TNRC18: variants seen among roughly 807,000 people sequenced by gnomAD.
The protein encoded by TNRC18 is trinucleotide repeat containing 18.
TNRC18 carries 69 observed loss-of-function variants against 226.7 expected under a neutral mutation model. The observed-to-expected ratio is 0.30, with a 90% CI of 0.25 to 0.37. The LOEUF is 0.37. Among genes scored for constraint, TNRC18 ranks in the 10% least tolerant of loss-of-function variants. The pLI, the probability that TNRC18 is intolerant of heterozygous loss-of-function variation, is 1.00. For synonymous variants in TNRC18, 2,449 were observed against 1,927.6 expected (o/e 1.27, Z -7.09); for missense variants, 4,754 against 4,256.6 (o/e 1.12, Z -3.25).
intron 2 of TNRC18, among the ~76,000 whole-genome samples, chr7:5,403,577 G>A (rs1237183720): frequency 2.0e-5 from 3 of 151,996 alleles, no homozygotes; most frequent in Non-Finnish European, 4.4e-5. Flanking sequence ...AGTCGTTTGA[G>A]GCCAGGAGTT....
chr7:5,323,581 T>TTTTTTTTTTG (rs60338709), intron 21 of TNRC18, among the ~76,000 whole-genome samples: 1 of 150,216 alleles, frequency 6.7e-6, no homozygotes. Context: ...TTTTTTTTTT[T>TTTTTTTTTTG]GAGACACAGT....
rs191544510 is a variant in TNRC18 at position 5,342,948 on chromosome 7, G to T, written c.5719+2614C>A. 4.1e-4 allele frequency among the ~76,000 whole-genome samples: 63 copies of T among 152,258 alleles called. 1 individual carries two copies. Among genetic ancestry groups the T allele is most frequent in the Non-Finnish European group, 2.5e-4 (17 of 68,018 alleles). ...TAATCAGTCAGCAGCCATCAACATC[G>T]AGGCAAGACCCACCATCAGCAAAAA... On this transcript the variant is annotated intron_variant, in intron 18 of 29. Coordinates refer to ENST00000430969, the MANE Select transcript of TNRC18 (RefSeq NM_001080495.3).
chr7:5,353,562 GAA>G (rs35875231), intron 16 of TNRC18, among the ~76,000 whole-genome samples: 61 of 86,556 alleles, frequency 7.0e-4, no homozygotes, highest in South Asian at 3.9e-3. Context: ...ATCATCTAAA[GAA>G]AAAAAAAAAA....
At chr7:5,387,560 A>G (rs986604748) in intron 5 of TNRC18, 112 bp downstream of exon 5, 6 of 1,421,136 alleles carry the variant, frequency 4.2e-6, no homozygotes, top group African/African-American at 1.4e-5. Context: ...TTAAAAAATG[A>G]TACTTATAAA....
In TNRC18 at chr7:5,312,587, G is replaced by A. The variant is rs778256968; in HGVS notation, c.8304C>T (p.Arg2768=). Reference sequence around the variant, plus strand: ...TGGGCCGGTTCTCCACGGACGGCAGGCGCTGCCGCTTGGCCAGCTCCTTGG... The same window carrying A: ...TGGGCCGGTTCTCCACGGACGGCAGACGCTGCCGCTTGGCCAGCTCCTTGG... ...PTTKELAKRQ[R]LPSVENRPKI... Residue 2768 remains arginine, a synonymous_variant, in exon 27 of 30, where the codon CGC becomes CGT. Coordinates refer to ENST00000430969, the MANE Select transcript of TNRC18 (RefSeq NM_001080495.3). This position sits in a 1 kb window ranked among gnomAD's most constrained non-coding sequence, Gnocchi z 6.3. 11 of 1,610,906 alleles carry A rather than the reference G, an allele frequency of 6.8e-6. No individual in the cohort carries two copies. The highest frequency in any genetic ancestry group is 1.3e-5 in the African/African-American group (1 of 74,866).
chr7:5,324,487 C>T lies in TNRC18; in HGVS notation c.6301-132G>A. ...ATCTGTCATGTGCATGGCAGGGATCCCAGTTAGGGGCACCCCAGAGGCCAG... is the reference window on the plus strand; with the variant it reads ...ATCTGTCATGTGCATGGCAGGGATCTCAGTTAGGGGCACCCCAGAGGCCAG... On this transcript the variant is annotated intron_variant, in intron 20 of 29. Coordinates refer to ENST00000430969, the MANE Select transcript of TNRC18 (RefSeq NM_001080495.3). The surrounding 1 kb of genome is among the most constrained non-coding windows in gnomAD (Gnocchi z 4.8). 1 of 1,299,020 alleles carries T rather than the reference C, an allele frequency of 7.7e-7. No individual in the cohort carries two copies. Among genetic ancestry groups the T allele is most frequent in the South Asian group, 1.4e-5 (1 of 72,388 alleles). 80.5% of individuals were successfully genotyped at this position (1,299,020 alleles called of 1,614,324 possible). A position where few individuals can be genotyped will look rare whatever the true frequency, so the allele number is the denominator to read the frequency against.
intron 2 of TNRC18, among the ~76,000 whole-genome samples, chr7:5,419,561 C>T (rs1240605336): frequency 6.6e-6 from 1 of 152,218 alleles, no homozygotes; most frequent in Admixed American, 6.5e-5. Context: ...AGTTCTTCCT[C>T]GGGGGTCCCC....
intron 18 of TNRC18, among the ~76,000 whole-genome samples, chr7:5,339,229 C>CTTTTTTT (rs199794938): frequency 6.3e-5 from 9 of 142,594 alleles, no homozygotes; most frequent in African/African-American, 5.2e-5. Flanking sequence ...CTTTTTTTTT[C>CTTTTTTT]TTTTTTTTTT....
chr7:5,386,911 C>CTTTTT (rs1238253935), intron 5 of TNRC18, among the ~76,000 whole-genome samples: 23 of 152,134 alleles, frequency 1.5e-4, no homozygotes, highest in Admixed American at 1.4e-3. Flanking sequence ...CCTGTCTCTA[C>CTTTTT]TAAAAACACA....
In TNRC18 at chr7:5,388,444, C is replaced by A; in HGVS notation, c.1380G>T (p.Val460=). Reference sequence around the variant, plus strand: ...CGGGCTTGAGCAGCTCCTTGGCAGGCACGTAGGCGCGGGGGTCCGGGGAGG... The same window carrying A: ...CGGGCTTGAGCAGCTCCTTGGCAGGAACGTAGGCGCGGGGGTCCGGGGAGG... ...TRASPDPRAY[V]PAKELLKPEA... is the part of the protein sequence containing the mutation. The change falls in exon 5 of 30, where the codon GTG becomes GTT. Residue 460 remains valine (V), a synonymous_variant. Transcript: ENST00000430969. 1 of 1,460,436 alleles carries A rather than the reference C, an allele frequency of 6.8e-7. No individual in the cohort carries two copies. The allele number at this position is 1,460,436 out of a possible 1,614,324, so 90.5% of individuals were successfully genotyped here.
chr7:5,408,652 A>C (rs1781641523), intron 2 of TNRC18, among the ~76,000 whole-genome samples: 1 of 152,154 alleles, frequency 6.6e-6, no homozygotes, highest in Non-Finnish European at 1.5e-5. Flanking sequence ...AAAAAACAGA[A>C]AGAAAAAAAA....
chr7:5,320,104 T>A, intron 24 of TNRC18: 1 of 552,190 alleles, frequency 1.8e-6, no homozygotes, highest in Non-Finnish European at 3.3e-6. Context: ...CCAGCACAGA[T>A]GACAGCACTG....
At chr7:5,315,370 C>G (rs1168714477) in intron 25 of TNRC18, among the ~76,000 whole-genome samples, 1 of 151,788 alleles carries the variant, frequency 6.6e-6, no homozygotes, top group Non-Finnish European at 1.5e-5. Flanking sequence ...AAACAAAGCA[C>G]TTTGTGGAAC....
In TNRC18 at chr7:5,389,325, G is replaced by C. The variant is rs1780098053; in HGVS notation, c.499C>G (p.Leu167Val). 1.6e-6 allele frequency: 2 copies of C among 1,280,570 alleles called. No homozygotes were observed. Among genetic ancestry groups the C allele is most frequent in the South Asian group, 5.5e-5 (2 of 36,492 alleles). 79.3% of individuals were successfully genotyped at this position (1,280,570 alleles called of 1,614,324 possible). The stretch of plus-strand genomic sequence containing the variant: ...GAGCCCGGAGCCCCCGCGGTGGGCA[G>C]GTAGAAACCGTCTGCGGAGAAGGGA... ...GQGPGGDGFY[L>V]PTAGAPGSLH... The change falls in exon 5 of 30, where the codon CTG (leucine) becomes GTG (valine). Residue 167 changes from leucine to valine, a missense_variant. Leu to Val is a conservative substitution (Grantham distance 32). Coordinates refer to ENST00000430969, the MANE Select transcript of TNRC18 (RefSeq NM_001080495.3).
chr7:5,411,669 CT>C, intron 2 of TNRC18, among the ~76,000 whole-genome samples: 1 of 152,160 alleles, frequency 6.6e-6, no homozygotes, highest in East Asian at 1.9e-4. Flanking sequence ...GCAGGATGTG[CT>C]CTACAGAAAG....
At chr7:5,396,012 A>T (rs1238507196) in intron 2 of TNRC18, among the ~76,000 whole-genome samples, 1 of 147,970 alleles carries the variant, frequency 6.8e-6, no homozygotes, top group East Asian at 2.0e-4. Flanking sequence ...AAAAAAAAAA[A>T]TGCTAAAAAT....
chr7:5,418,658 A>T (rs1782341975), intron 2 of TNRC18, among the ~76,000 whole-genome samples: 1 of 152,158 alleles, frequency 6.6e-6, no homozygotes, highest in Non-Finnish European at 1.5e-5. Context: ...AAAATAAACA[A>T]ATAAAGATGG....
chr7:5,325,429 T>TG, intron 19 of TNRC18, 181 bp from the exon 20 acceptor site: 17 of 343,662 alleles, frequency 4.9e-5, no homozygotes, highest in East Asian at 1.3e-4. Context: ...TTTTTTTTTG[T>TG]TTTTTTTTTT....
intron 11 of TNRC18, among the ~76,000 whole-genome samples, chr7:5,364,461 AAACACACACACACACACACACACACAC>A (rs1453015608): frequency 4.0e-5 from 5 of 124,974 alleles, no homozygotes; most frequent in South Asian, 5.7e-4. Flanking sequence ...GTCTCAAAGA[AAACACACACACACACACACACACACAC>A]ACACACACAC....
Sources: gnomAD v4.1 joint callset for allele counts (sites outside exome capture counted in the v4.1 genomes callset) on GRCh38, gnomAD v4.1.1 for gene constraint, Gnocchi (gnomAD v3.1) non-coding constraint, MANE v1.5 for transcripts, NCBI Gene and HGNC (gene_info 2026-07-23, HGNC 2026-07-21) for gene names.